DGKB: variants seen among roughly 807,000 people sequenced by gnomAD.
The protein encoded by DGKB is 90 kDa diacylglycerol kinase.
Under a neutral mutation model 114.3 loss-of-function variants are expected in DGKB, and 67 were observed. That is an observed-to-expected ratio of 0.59 (90% CI 0.48 to 0.72). The LOEUF (loss-of-function observed/expected upper bound fraction) is 0.72, where lower values mean the gene tolerates loss of function less well. Ranked by LOEUF, DGKB falls within the 30% of genes least tolerant of loss-of-function variation. The pLI is 0.00. For synonymous variants in DGKB, 398 were observed against 323.1 expected (o/e 1.23, Z -2.49); for missense variants, 907 against 975.2 (o/e 0.93, Z 0.93).
In DGKB at chr7:14,600,622, C is replaced by T. The variant is rs143451998; in HGVS notation, c.1433+6812G>A. Among the ~76,000 whole-genome samples, 229 of 151,984 alleles carry T rather than the reference C, an allele frequency of 1.5e-3. 10 individuals are homozygous for T. In the South Asian group the frequency reaches 0.043, roughly 29 times the overall value. ...GGTCCTTCCAAAGTACAATGGTGTA[C>T]GATAGAATGGACAATACCATTGAAA... On this transcript the variant is annotated intron_variant, in intron 17 of 25. Coordinates refer to ENST00000402815, the MANE Select transcript of DGKB (RefSeq NM_001350709.2).
chr7:14,898,935 T>G (rs1243356480), intron 1 of DGKB, among the ~76,000 whole-genome samples: 1 of 152,168 alleles, frequency 6.6e-6, no homozygotes, highest in East Asian at 1.9e-4. Context: ...AATTCCCTGT[T>G]AAAAGGCAAA....
chr7:14,560,440 A>T (rs982495630), intron 20 of DGKB, among the ~76,000 whole-genome samples: 1 of 152,214 alleles, frequency 6.6e-6, no homozygotes, highest in Non-Finnish European at 1.5e-5. Context: ...TATACCTCAT[A>T]TAAATGCAAT....
At chr7:14,835,244 T>A (rs937089195) in intron 2 of DGKB, among the ~76,000 whole-genome samples, 1 of 152,204 alleles carries the variant, frequency 6.6e-6, no homozygotes, top group Admixed American at 6.5e-5. Flanking sequence ...TTCAGATAAG[T>A]GTTTTAACTG....
At chr7:14,871,554 G>A (rs532261652) in intron 1 of DGKB, among the ~76,000 whole-genome samples, 28 of 152,262 alleles carry the variant, frequency 1.8e-4, no homozygotes, top group African/African-American at 6.7e-4. Flanking sequence ...TCTCTGGTAT[G>A]GGGATGCTAA....
chr7:14,251,227 T>C (rs925862008), intron 23 of DGKB, among the ~76,000 whole-genome samples: 1 of 152,170 alleles, frequency 6.6e-6, no homozygotes, highest in African/African-American at 2.4e-5. Flanking sequence ...ACTGTATTAC[T>C]TCTGAATTGA....
At chr7:14,633,667 C>A (rs1057148178) in intron 13 of DGKB, among the ~76,000 whole-genome samples, 3 of 151,606 alleles carry the variant, frequency 2.0e-5, no homozygotes, top group Non-Finnish European at 4.4e-5. Flanking sequence ...TGAAAATCAT[C>A]ATGAGTGCAT....
intron 23 of DGKB, among the ~76,000 whole-genome samples, chr7:14,237,493 C>G (rs1244774533): frequency 1.3e-5 from 2 of 151,668 alleles, no homozygotes; most frequent in African/African-American, 4.8e-5. Flanking sequence ...CCTAGGCCAC[C>G]AAATAGGCAT....
intron 9 of DGKB, among the ~76,000 whole-genome samples, chr7:14,687,796 A>G (rs1403654182): frequency 2.0e-5 from 3 of 152,194 alleles, no homozygotes; most frequent in South Asian, 4.1e-4. Context: ...AATAAGCTTC[A>G]TCCTTTGAAG....
At chr7:14,513,079 C>A (rs1788227244) in intron 20 of DGKB, among the ~76,000 whole-genome samples, 1 of 152,020 alleles carries the variant, frequency 6.6e-6, no homozygotes, top group Non-Finnish European at 1.5e-5. Flanking sequence ...TATATAATTT[C>A]TGTAATGAAT....
intron 14 of DGKB, among the ~76,000 whole-genome samples, chr7:14,627,861 T>G (rs1455387919): frequency 2.6e-5 from 4 of 151,548 alleles, no homozygotes; most frequent in Non-Finnish European, 4.4e-5. Context: ...GAGAATCGCT[T>G]GAACCCGTGA....
At chr7:14,715,655 T>G (rs2128342709) in intron 6 of DGKB, among the ~76,000 whole-genome samples, 1 of 152,178 alleles carries the variant, frequency 6.6e-6, no homozygotes, top group South Asian at 2.1e-4. Flanking sequence ...ATAAAGGAAA[T>G]AAAGCTGAAG....
chr7:14,412,812 T>C (rs1825108414), intron 21 of DGKB, among the ~76,000 whole-genome samples: 1 of 151,836 alleles, frequency 6.6e-6, no homozygotes, highest in Admixed American at 6.6e-5. Context: ...CAAAACCCCA[T>C]CTCTACTAAA....
At chr7:14,943,960 T>C (rs1325019457) in intron 1 of DGKB, among the ~76,000 whole-genome samples, 3 of 151,922 alleles carry the variant, frequency 2.0e-5, no homozygotes, top group African/African-American at 7.2e-5. Context: ...TACGAGGCTA[T>C]TTCTCACCCT....
chr7:14,568,548 T>C (rs1797927441), intron 20 of DGKB, among the ~76,000 whole-genome samples: 1 of 152,186 alleles, frequency 6.6e-6, no homozygotes, highest in Non-Finnish European at 1.5e-5. Flanking sequence ...GAAGGTTATC[T>C]GTCAAGATGG....
rs1404622 is a variant in DGKB, at chr7:14,750,070, G to T, written c.168+3858C>A. 4,547 of 507,354 alleles carry T rather than the reference G, an allele frequency of 9.0e-3. 141 individuals are homozygous for T. The highest frequency in any genetic ancestry group is 0.077 in the African/African-American group (3,976 of 51,890). 31.4% of individuals were successfully genotyped at this position (507,354 alleles called of 1,614,324 possible). On this transcript the variant is annotated intron_variant, in intron 4 of 25. Coordinates refer to ENST00000402815, the MANE Select transcript of DGKB (RefSeq NM_001350709.2). ...ACTGCACTAAATATGTTATATGTGT[G>T]CTATCATTTAGTCATCACAAAACCT...
At chr7:14,316,553 T>C (rs1368683840) in intron 23 of DGKB, among the ~76,000 whole-genome samples, 3 of 126,972 alleles carry the variant, frequency 2.4e-5, no homozygotes, top group Non-Finnish European at 3.3e-5. Flanking sequence ...ATAAATTCCT[T>C]GACACATACA....
chr7:14,188,659 CAAAAAAA>C (rs35808078), intron 23 of DGKB, among the ~76,000 whole-genome samples: 13 of 34,100 alleles, frequency 3.8e-4, no homozygotes, highest in South Asian at 2.7e-3. Context: ...GACTCCGTCT[CAAAAAAA>C]AAAAAAAAAA....
chr7:14,857,540 A>C (rs565086498), intron 1 of DGKB, among the ~76,000 whole-genome samples: 2 of 152,178 alleles, frequency 1.3e-5, no homozygotes, highest in Non-Finnish European at 2.9e-5. Flanking sequence ...GTAATTTGTT[A>C]AAACATAAAG....
intron 13 of DGKB, among the ~76,000 whole-genome samples, chr7:14,646,156 T>G (rs1228324245): frequency 6.6e-6 from 1 of 152,124 alleles, no homozygotes; most frequent in Admixed American, 6.5e-5. Flanking sequence ...ACTCATAGAC[T>G]GAAAGCAAAG....
Sources: gnomAD v4.1 joint callset for allele counts (sites outside exome capture counted in the v4.1 genomes callset) on GRCh38, gnomAD v4.1.1 for gene constraint, MANE v1.5 for transcripts, NCBI Gene and HGNC (gene_info 2026-07-23, HGNC 2026-07-21) for gene names.